Variants in FBXO25 observed in about 807,000 individuals in gnomAD.
FBXO25 encodes the protein F-box only protein 25.
A neutral mutation model predicts 51.9 loss-of-function variants in FBXO25; 45 were observed. The observed-to-expected ratio is 0.87, with a 90% CI of 0.68 to 1.11. FBXO25 has a LOEUF of 1.11. FBXO25 is among the 50% of genes most tolerant of loss of function. The pLI is 0.00. For missense variants in FBXO25, 507 were observed against 428.5 expected, an observed-to-expected ratio of 1.18 and a Z score of -1.62; for synonymous variants, 199 against 151.0, an observed-to-expected ratio of 1.32 and a Z score of -2.33.
At chr8:453,610 A>G (rs1799232709) in intron 7 of FBXO25, among the ~76,000 whole-genome samples, 1 of 152,108 alleles carries the variant, frequency 6.6e-6, no homozygotes, top group South Asian at 2.1e-4. Flanking sequence ...CTGCTGGCTG[A>G]TGCTGGATTG....
intron 2 of FBXO25, among the ~76,000 whole-genome samples, chr8:418,829 A>G (rs1247227207): frequency 6.6e-6 from 1 of 152,178 alleles, no homozygotes; most frequent in Non-Finnish European, 1.5e-5. Flanking sequence ...TTTCAACTGG[A>G]TAAACGTGCA....
chr8:425,126 GC>G lies in FBXO25; in HGVS notation c.135-6209del, dbSNP rs1434847895. 2.0e-5 allele frequency among the ~76,000 whole-genome samples: 3 copies of G among 151,204 alleles called. No homozygotes were observed. The South Asian group carries it at 6.3e-4, about 32-fold the overall frequency. On this transcript the variant is annotated intron_variant, in intron 2 of 9. Coordinates refer to ENST00000350302, the MANE Select transcript of FBXO25 (RefSeq NM_183420.2). ...GAACTTTATCAATCATCCCAGAAGC[GC>G]CCCCCGCCCCCCACATGTCCCATTT...
intron 4 of FBXO25, among the ~76,000 whole-genome samples, chr8:434,165 G>A (rs1432450857): frequency 2.6e-5 from 4 of 152,278 alleles, no homozygotes; most frequent in Admixed American, 2.0e-4. Flanking sequence ...CCTGCACCAC[G>A]TCATGTCTCC....
At chr8:445,101 A>T (rs1798656126) in intron 5 of FBXO25, among the ~76,000 whole-genome samples, 1 of 152,206 alleles carries the variant, frequency 6.6e-6, no homozygotes, top group Non-Finnish European at 1.5e-5. Flanking sequence ...TATCTTAATT[A>T]CCAGTTTAAC....
In FBXO25 at chr8:475,272, G is replaced by A. The variant is rs1171942602; in HGVS notation, c.*6468G>A. 3 of 217,544 alleles carry A rather than the reference G, an allele frequency of 1.4e-5. No homozygotes were observed. The highest frequency in any genetic ancestry group is 7.1e-5 in the African/African-American group (3 of 42,082). 13.5% of individuals were successfully genotyped at this position (217,544 alleles called of 1,614,324 possible). Reference sequence around the variant, plus strand: ...CCCATATGTGCAAGGGTTTATTTGGGGATTTGCTATTCTGTTCCATTGGTC... The same window carrying A: ...CCCATATGTGCAAGGGTTTATTTGGAGATTTGCTATTCTGTTCCATTGGTC... On this transcript the variant is annotated 3_prime_UTR_variant, in exon 10 of 10. Coordinates refer to ENST00000350302, the MANE Select transcript of FBXO25 (RefSeq NM_183420.2).
rs1297779728 is a variant in FBXO25, at chr8:431,394, C to T, written c.188C>T (p.Ala63Val). ...EIFNNEEHEY[A>V]SKKRKKDHFR... is the part of the protein sequence containing the mutation. ...TTCAATAATGAAGAGCATGAATATG[C>T]ATCGAAAAAAAGGAAAAAGGACCAT... is the stretch of plus-strand genomic sequence containing the variant. The change falls in exon 3 of 10, where the codon GCA (alanine) becomes GTA (valine). Residue 63 changes from alanine to valine, a missense_variant. Ala to Val is a moderately conservative substitution (Grantham distance 64). Coordinates refer to ENST00000350302, the MANE Select transcript of FBXO25 (RefSeq NM_183420.2). 1.3e-6 allele frequency: 2 copies of T among 1,550,698 alleles called. No homozygotes were observed. Among genetic ancestry groups the T allele is most frequent in the Non-Finnish European group, 1.7e-6 (2 of 1,147,804 alleles).
intron 2 of FBXO25, among the ~76,000 whole-genome samples, chr8:424,563 C>G (rs1158726181): frequency 2.6e-5 from 4 of 152,144 alleles, no homozygotes; most frequent in African/African-American, 9.7e-5. Context: ...AGGGGTCTGG[C>G]TTCAGTCTTC....
intron 2 of FBXO25, among the ~76,000 whole-genome samples, chr8:429,158 A>C (rs927596133): frequency 2.6e-5 from 4 of 152,186 alleles, no homozygotes; most frequent in African/African-American, 9.7e-5. Flanking sequence ...ATTCCCACCA[A>C]CATTGCACGA....
chr8:414,869 C>T (rs979050181), intron 2 of FBXO25, among the ~76,000 whole-genome samples: 4 of 152,160 alleles, frequency 2.6e-5, no homozygotes, highest in African/African-American at 9.7e-5. Flanking sequence ...CTGGGATCCC[C>T]CGCCCTGCTT....
chr8:411,199 G>A (rs1796465878), intron 1 of FBXO25, among the ~76,000 whole-genome samples: 3 of 152,114 alleles, frequency 2.0e-5, no homozygotes, highest in South Asian at 4.1e-4. Context: ...AACCACTTTT[G>A]CTTGAGTAAT....
intron 9 of FBXO25, 64 bp from the exon 10 acceptor site, chr8:468,651 G>A: frequency 7.8e-7 from 1 of 1,290,156 alleles, no homozygotes; most frequent in Non-Finnish European, 1.1e-6. Context: ...GACCCCTCAA[G>A]CACCATCACT....
intron 5 of FBXO25, among the ~76,000 whole-genome samples, chr8:445,795 C>T (rs551022655): frequency 6.6e-6 from 1 of 152,318 alleles, no homozygotes; most frequent in South Asian, 2.1e-4. Context: ...CGCTTGAACC[C>T]AGGAAGCAGA....
intron 7 of FBXO25, among the ~76,000 whole-genome samples, chr8:457,162 C>T (rs998517064): frequency 6.6e-6 from 1 of 152,162 alleles, no homozygotes; most frequent in African/African-American, 2.4e-5. Context: ...GACAGAAGCG[C>T]CACCCCAGAC....
chr8:450,452 C>G (rs974692360), intron 6 of FBXO25, among the ~76,000 whole-genome samples: 9 of 152,144 alleles, frequency 5.9e-5, no homozygotes, highest in Non-Finnish European at 1.0e-4. Flanking sequence ...AATTTTCTTT[C>G]TAATTTAATG....
intron 2 of FBXO25, among the ~76,000 whole-genome samples, chr8:418,366 G>A (rs6995668): frequency 0.11 from 11,076 of 103,254 alleles, 565 homozygotes; most frequent in Middle Eastern, 0.21. Flanking sequence ...TTGAGATGGA[G>A]TCTTGCTCTG....
intron 2 of FBXO25, among the ~76,000 whole-genome samples, chr8:426,398 A>C (rs900030243): frequency 7.9e-5 from 12 of 152,184 alleles, no homozygotes; most frequent in African/African-American, 2.9e-4. Context: ...CCCTACTACA[A>C]AGCCACTCAC....
At chr8:429,302 T>C (rs185740046) in intron 2 of FBXO25, among the ~76,000 whole-genome samples, 137 of 152,308 alleles carry the variant, frequency 9.0e-4, no homozygotes, top group African/African-American at 3.2e-3. Flanking sequence ...ATTGGTGATA[T>C]GGAGCATCTT....
chr8:467,936 T>C, intron 9 of FBXO25: 1 of 1,428,744 alleles, frequency 7.0e-7, no homozygotes, highest in Non-Finnish European at 9.2e-7. Context: ...AGAGTGTTGA[T>C]GAAATATTTT....
chr8:429,534 T>C (rs1241633658), intron 2 of FBXO25, among the ~76,000 whole-genome samples: 1 of 152,198 alleles, frequency 6.6e-6, no homozygotes, highest in Non-Finnish European at 1.5e-5. Flanking sequence ...AATGGAAAGA[T>C]TTATAAATTA....
Sources: allele counts gnomAD v4.1 joint callset (sites outside exome capture counted in the v4.1 genomes callset), GRCh38; gene constraint gnomAD v4.1.1; transcripts MANE v1.5; gene names NCBI Gene and HGNC (gene_info 2026-07-23, HGNC 2026-07-21).